KLHL1: variants seen among roughly 807,000 people sequenced by gnomAD.
KLHL1 encodes kelch like family member 1, also known as kelch-like protein 1.
A neutral mutation model predicts 77.7 loss-of-function variants in KLHL1; 47 were observed. The observed-to-expected ratio is 0.60, with a 90% CI of 0.48 to 0.77. KLHL1 has a LOEUF of 0.77. Among genes scored for constraint, KLHL1 ranks in the 30% least tolerant of loss-of-function variants. The pLI is 0.00. For synonymous variants in KLHL1, 360 were observed against 325.2 expected, an observed-to-expected ratio of 1.11 and a Z score of -1.15; for missense variants, 925 against 910.8, an observed-to-expected ratio of 1.02 and a Z score of -0.20.
chr13:70,029,477 C>A (rs1886038672), intron 1 of KLHL1, among the ~76,000 whole-genome samples: 1 of 152,112 alleles, frequency 6.6e-6, no homozygotes, highest in African/African-American at 2.4e-5. Flanking sequence ...GAATTTTCAA[C>A]CAAGAATTTC....
At chr13:69,970,582 A>T (rs1246443282) in intron 2 of KLHL1, among the ~76,000 whole-genome samples, 2 of 151,642 alleles carry the variant, frequency 1.3e-5, no homozygotes, top group Non-Finnish European at 2.9e-5. Context: ...GTGGAAGTCT[A>T]TGTGTTCCTG....
chr13:69,856,774 G>A (rs746778704), intron 5 of KLHL1, among the ~76,000 whole-genome samples: 1 of 151,844 alleles, frequency 6.6e-6, no homozygotes, highest in African/African-American at 2.4e-5. Flanking sequence ...TTAATTCCAG[G>A]AAAATGCTAG....
At chr13:70,017,958 G>A (rs929994803) in intron 1 of KLHL1, among the ~76,000 whole-genome samples, 4 of 151,946 alleles carry the variant, frequency 2.6e-5, no homozygotes, top group African/African-American at 4.8e-5. Flanking sequence ...TTAAAGAAAC[G>A]TGAAAATAAG....
chr13:70,040,919 G>T (rs1288304561), intron 1 of KLHL1, among the ~76,000 whole-genome samples: 1 of 151,900 alleles, frequency 6.6e-6, no homozygotes, highest in Non-Finnish European at 1.5e-5. Flanking sequence ...GTTCAGTTTT[G>T]TTTTCCAGTC....
At chr13:69,829,213 A>G (rs1878665685) in intron 6 of KLHL1, among the ~76,000 whole-genome samples, 1 of 149,862 alleles carries the variant, frequency 6.7e-6, no homozygotes, top group Non-Finnish European at 1.5e-5. Context: ...TCACTCCCCT[A>G]CTACCTCCGC....
chr13:70,022,972 T>C (rs1038631770), intron 1 of KLHL1, among the ~76,000 whole-genome samples: 15 of 151,974 alleles, frequency 9.9e-5, no homozygotes, highest in African/African-American at 3.1e-4. Context: ...ATGTTGAAGT[T>C]TCGATCATGT....
intron 1 of KLHL1, among the ~76,000 whole-genome samples, chr13:70,000,279 A>C (rs1174736576): frequency 6.6e-6 from 1 of 152,044 alleles, no homozygotes; most frequent in Non-Finnish European, 1.5e-5. Context: ...AAAGACAAAA[A>C]AGAATAGCTC....
rs535345098 is a variant in KLHL1, at chr13:69,957,079, C to T, written c.817+4229G>A. ...CCTGAATAACTTTAACTTCACCCTG[C>T]CAAATCAAAGGCTTATTGAAGATTA... On this transcript the variant is annotated intron_variant, in intron 3 of 10. Coordinates refer to ENST00000377844, the MANE Select transcript of KLHL1 (RefSeq NM_020866.3). Among the ~76,000 whole-genome samples, 5 of 151,586 alleles carry T rather than the reference C, an allele frequency of 3.3e-5. No individual in the cohort carries two copies. In the South Asian group the frequency reaches 1.0e-3, roughly 31 times the overall value.
chr13:69,722,896 T>A (rs1323497880), intron 8 of KLHL1, among the ~76,000 whole-genome samples: 2 of 151,990 alleles, frequency 1.3e-5, no homozygotes, highest in African/African-American at 4.8e-5. Context: ...CTATTCACAA[T>A]AGCCAAAATA....
At chr13:70,067,609 TA>T (rs1454142670) in intron 1 of KLHL1, among the ~76,000 whole-genome samples, 2 of 151,050 alleles carry the variant, frequency 1.3e-5, no homozygotes, top group Admixed American at 1.3e-4. Context: ...GCGGTCTTAG[TA>T]CAGGGGCTCA....
chr13:69,764,622 A>G (rs1875181544), intron 7 of KLHL1, among the ~76,000 whole-genome samples: 1 of 152,176 alleles, frequency 6.6e-6, no homozygotes, highest in South Asian at 2.1e-4. Context: ...TTTGAAGCCA[A>G]TGTAAGCCTT....
intron 1 of KLHL1, among the ~76,000 whole-genome samples, chr13:69,978,270 T>G (rs1884604426): frequency 6.6e-6 from 1 of 151,788 alleles, no homozygotes; most frequent in Non-Finnish European, 1.5e-5. Context: ...AGTCAGGATT[T>G]GTAGGCTGCC....
chr13:69,968,693 G>C (rs1884292938), intron 2 of KLHL1, among the ~76,000 whole-genome samples: 1 of 152,078 alleles, frequency 6.6e-6, no homozygotes, highest in Non-Finnish European at 1.5e-5. Flanking sequence ...GAATGGAGCA[G>C]GGTAAGCATA....
chr13:69,980,567 A>T (rs767837246), intron 1 of KLHL1, among the ~76,000 whole-genome samples: 2 of 152,160 alleles, frequency 1.3e-5, no homozygotes, highest in Non-Finnish European at 2.9e-5. Flanking sequence ...ATTTTTCTGT[A>T]CCTGGAACCT....
intron 6 of KLHL1, among the ~76,000 whole-genome samples, chr13:69,826,838 G>T (rs1217518211): frequency 1.3e-5 from 2 of 151,010 alleles, no homozygotes; most frequent in African/African-American, 4.9e-5. Flanking sequence ...TTTTATAAAC[G>T]AGTGTTTAGG....
intron 1 of KLHL1, among the ~76,000 whole-genome samples, chr13:70,008,782 A>T (rs184850973): frequency 6.6e-6 from 1 of 152,304 alleles, no homozygotes; most frequent in African/African-American, 2.4e-5. Context: ...CAAAACAAAG[A>T]TAGCAATTTA....
chr13:69,811,523 T>C (rs897204528), intron 6 of KLHL1, among the ~76,000 whole-genome samples: 1 of 151,960 alleles, frequency 6.6e-6, no homozygotes, highest in African/African-American at 2.4e-5. Context: ...GTCAACACCA[T>C]ACTGAATATG....
intron 1 of KLHL1, among the ~76,000 whole-genome samples, chr13:70,090,051 G>A (rs140345191): frequency 6.7e-4 from 102 of 152,086 alleles, no homozygotes; most frequent in Middle Eastern, 3.4e-3. Flanking sequence ...AGAATTAATC[G>A]TCATAGAATC....
intron 1 of KLHL1, among the ~76,000 whole-genome samples, chr13:70,065,657 T>G (rs796329895): frequency 6.6e-6 from 1 of 152,178 alleles, no homozygotes; most frequent in Non-Finnish European, 1.5e-5. Context: ...CCCTTTGGAT[T>G]TTATTCTTTT....
Sources: allele counts gnomAD v4.1 joint callset (sites outside exome capture counted in the v4.1 genomes callset), GRCh38; gene constraint gnomAD v4.1.1; transcripts MANE v1.5; gene names NCBI Gene and HGNC (gene_info 2026-07-23, HGNC 2026-07-21).